ERBB4: variants seen among roughly 807,000 people sequenced by gnomAD.
ERBB4 encodes the protein erb-b2 receptor tyrosine kinase 4.
ERBB4 carries 42 observed loss-of-function variants against 158.0 expected under a neutral mutation model. The observed-to-expected ratio is 0.27, with a 90% confidence interval of 0.21 to 0.34. The LOEUF (loss-of-function observed/expected upper bound fraction) is 0.34, where lower values mean the gene tolerates loss of function less well. Among genes scored for constraint, ERBB4 ranks in the 10% least tolerant of loss-of-function variants. The pLI is 1.00. For synonymous variants in ERBB4, 583 were observed against 558.7 expected, an observed-to-expected ratio of 1.04 and a Z score of -0.61; for missense variants, 1,333 against 1,624.1, an observed-to-expected ratio of 0.82 and a Z score of 3.08.
chr2:211,634,479 G>C (rs1050046680), intron 16 of ERBB4, among the ~76,000 whole-genome samples: 4 of 152,030 alleles, frequency 2.6e-5, no homozygotes, highest in Admixed American at 1.3e-4. Flanking sequence ...CTAGATGTTT[G>C]TAAGTATAGG....
At chr2:212,420,713 C>T (rs533912822) in intron 1 of ERBB4, among the ~76,000 whole-genome samples, 1 of 152,242 alleles carries the variant, frequency 6.6e-6, no homozygotes, top group South Asian at 2.1e-4. Context: ...AATAAACCAT[C>T]CTCAGGCGTT....
intron 3 of ERBB4, among the ~76,000 whole-genome samples, chr2:211,916,875 AT>A (rs1382306472): frequency 3.3e-5 from 5 of 152,218 alleles, no homozygotes; most frequent in African/African-American, 1.2e-4. Flanking sequence ...TTGATAATGT[AT>A]TCATATTATG....
intron 1 of ERBB4, among the ~76,000 whole-genome samples, chr2:212,474,839 T>TTTTTTTTTTTG (rs1245995165): frequency 0.012 from 1,619 of 135,978 alleles, 63 homozygotes; most frequent in African/African-American, 0.026. Flanking sequence ...TTTTTTTTTT[T>TTTTTTTTTTTG]TGTCAAGACA....
chr2:211,873,205 G>C (rs2078396659), intron 3 of ERBB4, among the ~76,000 whole-genome samples: 1 of 152,186 alleles, frequency 6.6e-6, no homozygotes, highest in African/African-American at 2.4e-5. Flanking sequence ...CCATCTCTCA[G>C]CATCACAGAG....
intron 1 of ERBB4, among the ~76,000 whole-genome samples, chr2:212,453,624 C>A (rs938735046): frequency 6.6e-6 from 1 of 152,050 alleles, no homozygotes; most frequent in Non-Finnish European, 1.5e-5. Flanking sequence ...GTATAGCAAA[C>A]GAGGTATGCT....
intron 1 of ERBB4, among the ~76,000 whole-genome samples, chr2:212,160,527 G>C (rs1051769528): frequency 2.4e-4 from 37 of 151,862 alleles, no homozygotes; most frequent in South Asian, 2.1e-4. Flanking sequence ...TGAAAACAAT[G>C]AAAAATAAAA....
At chr2:212,104,385 A>G (rs543206650) in intron 2 of ERBB4, among the ~76,000 whole-genome samples, 1 of 152,214 alleles carries the variant, frequency 6.6e-6, no homozygotes, top group South Asian at 2.1e-4. Context: ...GTTTATCTGT[A>G]TTATCCCATA....
intron 4 of ERBB4, among the ~76,000 whole-genome samples, chr2:211,772,257 G>A (rs967818669): frequency 3.9e-5 from 6 of 151,998 alleles, no homozygotes; most frequent in African/African-American, 1.4e-4. Flanking sequence ...CCCTATTTTT[G>A]GAGAGTAGTT....
Position 212,105,845 on chromosome 2 carries a change from T to A in ERBB4, c.234+18907A>T, listed in dbSNP as rs1165529192. Among the ~76,000 whole-genome samples, 3 of 152,160 alleles carry A rather than the reference T, an allele frequency of 2.0e-5. No individual in the cohort carries two copies. In the East Asian group the frequency reaches 5.8e-4, roughly 29 times the overall value. On this transcript the variant is annotated intron_variant, in intron 2 of 27. Transcript: ENST00000342788. Reference sequence around the variant, plus strand: ...GGTCTTTCCTGTGCTGTTCTCGTGATAATGAATAAGTCATAGGAGATCTGA... The same window carrying A: ...GGTCTTTCCTGTGCTGTTCTCGTGAAAATGAATAAGTCATAGGAGATCTGA...
intron 1 of ERBB4, among the ~76,000 whole-genome samples, chr2:212,499,595 A>T (rs1690768724): frequency 6.6e-6 from 1 of 152,228 alleles, no homozygotes; most frequent in African/African-American, 2.4e-5. Flanking sequence ...AAATGGAGAT[A>T]AAGGTACTGG....
At chr2:211,822,896 G>A (rs988031231) in intron 3 of ERBB4, among the ~76,000 whole-genome samples, 2 of 151,938 alleles carry the variant, frequency 1.3e-5, no homozygotes, top group Non-Finnish European at 2.9e-5. Flanking sequence ...CCAGGGGAGT[G>A]GCAGAAATGA....
At chr2:212,223,907 A>G (rs2083385847) in intron 1 of ERBB4, among the ~76,000 whole-genome samples, 1 of 151,878 alleles carries the variant, frequency 6.6e-6, no homozygotes, top group Non-Finnish European at 1.5e-5. Context: ...AATACTTCGC[A>G]TAGATTACCT....
chr2:211,663,526 A>G (rs2071510234), intron 15 of ERBB4, among the ~76,000 whole-genome samples: 1 of 152,030 alleles, frequency 6.6e-6, no homozygotes, highest in Non-Finnish European at 1.5e-5. Context: ...TGAGATCCAG[A>G]TTTTGTTGCT....
chr2:211,647,136 G>A (rs902398432), intron 16 of ERBB4, among the ~76,000 whole-genome samples: 8 of 151,468 alleles, frequency 5.3e-5, no homozygotes, highest in Admixed American at 4.6e-4. Flanking sequence ...AATAATGAAG[G>A]AGGGAGACTT....
chr2:211,383,327 G>A lies in ERBB4; in HGVS notation c.*288C>T. On this transcript the variant is annotated 3_prime_UTR_variant, in exon 28 of 28. Coordinates refer to ENST00000342788, the MANE Select transcript of ERBB4 (RefSeq NM_005235.3). ...AAAAGTGACAGCTAGTTTGATAGTA[G>A]GCAGCATTGCCTTACATTTTCTGGT... The A allele has an allele frequency of 2.7e-6, 1 of 371,056 alleles. No homozygotes were observed. Among genetic ancestry groups the A allele is most frequent in the Non-Finnish European group, 4.9e-6 (1 of 203,374 alleles). 23.0% of individuals were successfully genotyped at this position (371,056 alleles called of 1,614,324 possible).
At chr2:211,997,666 C>G (rs1025796302) in intron 2 of ERBB4, among the ~76,000 whole-genome samples, 26 of 151,934 alleles carry the variant, frequency 1.7e-4, no homozygotes. Flanking sequence ...TTCCCTCTTT[C>G]CCGCTCCCTC....
intron 20 of ERBB4, among the ~76,000 whole-genome samples, chr2:211,552,420 A>G (rs2067122515): frequency 6.6e-6 from 1 of 151,966 alleles, no homozygotes; most frequent in African/African-American, 2.4e-5. Flanking sequence ...ATTTTTTAAA[A>G]TTTTTTTTGG....
At chr2:211,723,876 G>A (rs930235643) in intron 6 of ERBB4, among the ~76,000 whole-genome samples, 5 of 152,118 alleles carry the variant, frequency 3.3e-5, no homozygotes, top group African/African-American at 1.2e-4. Flanking sequence ...TGAACATTCT[G>A]TACCAAAAGC....
intron 20 of ERBB4, among the ~76,000 whole-genome samples, chr2:211,525,260 C>CT (rs1385563028): frequency 6.6e-6 from 1 of 152,116 alleles, no homozygotes; most frequent in Non-Finnish European, 1.5e-5. Flanking sequence ...GACAAAAAAG[C>CT]TCATGACTCC....
Sources: allele counts gnomAD v4.1 joint callset (sites outside exome capture counted in the v4.1 genomes callset), GRCh38; gene constraint gnomAD v4.1.1; transcripts MANE v1.5; gene names NCBI Gene and HGNC (gene_info 2026-07-23, HGNC 2026-07-21).